Variants in MYO16 observed in about 807,000 individuals in gnomAD.
MYO16 encodes unconventional myosin-XVI.
Under a neutral mutation model 205.3 loss-of-function variants are expected in MYO16, and 94 were observed. The ratio of observed to expected loss-of-function variants is 0.46; its 90% CI spans 0.39 to 0.54. MYO16 has a LOEUF of 0.54. Ranked by LOEUF, MYO16 falls within the 20% of genes least tolerant of loss-of-function variation. The probability of loss-of-function intolerance (pLI) is 0.00; values close to 1 mark genes in which losing one functional copy is unlikely to be tolerated. For missense variants in MYO16, 2,315 were observed against 2,387.5 expected (o/e 0.97, Z 0.63); for synonymous variants, 988 against 954.0 (o/e 1.04, Z -0.66).
chr13:108,642,110 A>AT (rs1880529680), intron 1 of MYO16, among the ~76,000 whole-genome samples: 1 of 152,044 alleles, frequency 6.6e-6, no homozygotes, highest in African/African-American at 2.4e-5. Context: ...ATCCCAATTC[A>AT]TTTCCTAGGT....
At chr13:108,902,961 C>T (rs764400635) in intron 15 of MYO16, among the ~76,000 whole-genome samples, 6 of 152,148 alleles carry the variant, frequency 3.9e-5, no homozygotes, top group South Asian at 2.1e-4. Flanking sequence ...AATCTCCTGC[C>T]CTCTGGCTCC....
At chr13:108,637,058 A>G (rs141630729) in intron 1 of MYO16, among the ~76,000 whole-genome samples, 2 of 152,320 alleles carry the variant, frequency 1.3e-5, no homozygotes, top group Non-Finnish European at 2.9e-5. Context: ...GATCTGTTCT[A>G]TGCCTCCCTC....
intron 4 of MYO16, among the ~76,000 whole-genome samples, chr13:108,733,516 G>A (rs1594248705): frequency 6.6e-6 from 1 of 152,126 alleles, no homozygotes; most frequent in East Asian, 1.9e-4. Flanking sequence ...ACTCTGATCT[G>A]GTGCTATATT....
chr13:108,840,736 A>G lies in MYO16; in HGVS notation c.1098-3607A>G, dbSNP rs35837748. On this transcript the variant is annotated intron_variant, in intron 9 of 34. Coordinates refer to ENST00000457511, the MANE Select transcript of MYO16 (RefSeq NM_001198950.3). ...ACTTTTTGTAGAGAAGGGGCTCACT[A>G]TGTTGCCCAGGCTGGTCTCAGTCTC... Among the ~76,000 whole-genome samples, 1,252 of 152,238 alleles carry G rather than the reference A, an allele frequency of 8.2e-3. 8 individuals carry two copies. The highest frequency in any genetic ancestry group is 0.012 in the Non-Finnish European group (822 of 68,022).
chr13:109,127,665 C>A lies in MYO16; in HGVS notation c.4051+115C>A. ...TAATGTATTCTTAATAGAAATAAAT[C>A]CAATTGTTGGCTTGCCAGCAGCTCT... On this transcript the variant is annotated intron_variant, in intron 31 of 34. Coordinates refer to ENST00000457511, the MANE Select transcript of MYO16 (RefSeq NM_001198950.3). The surrounding 1 kb of genome is among the most constrained non-coding windows in gnomAD (Gnocchi z 4.2). The A allele has an allele frequency of 9.4e-7, 1 of 1,067,818 alleles. No homozygotes were observed. Among genetic ancestry groups the A allele is most frequent in the Non-Finnish European group, 1.3e-6 (1 of 759,654 alleles). 66.1% of individuals were successfully genotyped at this position (1,067,818 alleles called of 1,614,324 possible).
At chr13:108,825,612 G>A (rs893674162) in intron 9 of MYO16, among the ~76,000 whole-genome samples, 2 of 119,862 alleles carry the variant, frequency 1.7e-5, no homozygotes, top group African/African-American at 5.9e-5. Context: ...TAAATGAATA[G>A]TATCCAAACT....
Position 109,191,159 on chromosome 13 carries a change from C to T in MYO16, c.5415+11526C>T, listed in dbSNP as rs554083144. ...ACTTGAACCCCAGAGGCAGAGGTTG[C>T]GGTGAGCCAAGATCGCGCCACTGCA... is the stretch of plus-strand genomic sequence containing the variant. On this transcript the variant is annotated intron_variant, in intron 34 of 34. Transcript: ENST00000457511. 4.6e-5 allele frequency among the ~76,000 whole-genome samples: 7 copies of T among 151,866 alleles called. No individual in the cohort carries two copies. The South Asian group carries it at 6.2e-4, about 14-fold the overall frequency.
In MYO16 at chr13:108,762,171, G is replaced by A. The variant is rs75676617; in HGVS notation, c.508-23464G>A. ...CCATCCGTGTTGCCGCAAAAGACACGATTTCATTCTTTTTGTGGCTAAGTA... is the reference window on the plus strand; with the variant it reads ...CCATCCGTGTTGCCGCAAAAGACACAATTTCATTCTTTTTGTGGCTAAGTA... On this transcript the variant is annotated intron_variant, in intron 4 of 34. Coordinates refer to ENST00000457511, the MANE Select transcript of MYO16 (RefSeq NM_001198950.3). Among the ~76,000 whole-genome samples, 1,064 of 152,216 alleles carry A rather than the reference G, an allele frequency of 7.0e-3. 11 individuals are homozygous for A. Among genetic ancestry groups the A allele is most frequent in the African/African-American group, 0.024 (994 of 41,526 alleles).
At chr13:108,985,688 C>CT (rs1182352150) in intron 20 of MYO16, among the ~76,000 whole-genome samples, 2 of 152,182 alleles carry the variant, frequency 1.3e-5, no homozygotes, top group Non-Finnish European at 2.9e-5. Flanking sequence ...ATAGATGATG[C>CT]TTGAGCTTCT....
At chr13:108,905,795 T>C (rs547774985) in intron 15 of MYO16, among the ~76,000 whole-genome samples, 11 of 152,116 alleles carry the variant, frequency 7.2e-5, no homozygotes, top group Admixed American at 2.6e-4. Context: ...CCTCAAGAGC[T>C]TACTTGTAAA....
chr13:108,972,182 C>A (rs1309670311), intron 20 of MYO16, among the ~76,000 whole-genome samples: 1 of 111,836 alleles, frequency 8.9e-6, no homozygotes, highest in Non-Finnish European at 1.8e-5. Flanking sequence ...TCCACTCCAG[C>A]CTGGATGACA....
At chr13:108,902,419 G>A (rs917716044) in intron 15 of MYO16, among the ~76,000 whole-genome samples, 2 of 152,224 alleles carry the variant, frequency 1.3e-5, no homozygotes, top group African/African-American at 4.8e-5. Context: ...TCCTGTGCCT[G>A]TTAGCATAGA....
At chr13:108,961,745 C>A in intron 18 of MYO16, 89 bp downstream of exon 18, 3 of 1,051,808 alleles carry the variant, frequency 2.9e-6, no homozygotes, top group South Asian at 1.3e-5. Flanking sequence ...ACAGAAAAGC[C>A]AGTTGGCTTA....
chr13:109,075,678 A>C (rs1888075328), intron 27 of MYO16, among the ~76,000 whole-genome samples: 1 of 152,032 alleles, frequency 6.6e-6, no homozygotes, highest in Non-Finnish European at 1.5e-5. Context: ...CTGGCCTGAA[A>C]ATCTTTTTAT....
At chr13:108,596,263 C>T (rs1878554915) in intron 1 of MYO16, 1 of 152,192 alleles carries the variant, frequency 6.6e-6, no homozygotes, top group African/African-American at 2.4e-5. Flanking sequence ...CTCTGGTTCA[C>T]TCTTCCTTTT....
At chr13:108,536,807 T>C in the MYO16 span, among the ~76,000 whole-genome samples, 1 of 152,088 alleles carries the variant, frequency 6.6e-6, no homozygotes, top group Non-Finnish European at 1.5e-5. Flanking sequence ...TATATTATTA[T>C]AAAAATGGAG....
chr13:108,850,230 G>A (rs904787422), intron 10 of MYO16, among the ~76,000 whole-genome samples: 8 of 152,168 alleles, frequency 5.3e-5, no homozygotes, highest in African/African-American at 1.9e-4. Flanking sequence ...TGCCCCCTGG[G>A]CTTCTACTCC....
At chr13:108,529,193 T>C in the MYO16 span, among the ~76,000 whole-genome samples, 1 of 152,212 alleles carries the variant, frequency 6.6e-6, no homozygotes, top group Non-Finnish European at 1.5e-5. Flanking sequence ...TTAGCATAAA[T>C]ATTTTCTTAC....
intron 2 of MYO16, among the ~76,000 whole-genome samples, chr13:108,682,438 C>T (rs376644911): frequency 6.6e-6 from 1 of 152,070 alleles, no homozygotes; most frequent in African/African-American, 2.4e-5. Context: ...AGACAATTCT[C>T]GGTGGTGCTT....
Sources: allele counts gnomAD v4.1 joint callset (sites outside exome capture counted in the v4.1 genomes callset), GRCh38; gene constraint gnomAD v4.1.1; non-coding constraint Gnocchi (gnomAD v3.1); transcripts MANE v1.5; gene names NCBI Gene and HGNC (gene_info 2026-07-23, HGNC 2026-07-21).